The following PCDH15 variants were observed in gnomAD, a reference collection of about 807,000 sequenced individuals.
The protein encoded by PCDH15 is protocadherin related 15, also known as protocadherin-15.
Under a neutral mutation model 178.5 loss-of-function variants are expected in PCDH15, and 129 were observed. That is an observed-to-expected ratio of 0.72 (90% CI 0.63 to 0.84). PCDH15 has a LOEUF of 0.84. Among genes scored for constraint, PCDH15 ranks in the 40% least tolerant of loss-of-function variants. The pLI, the probability that PCDH15 is intolerant of heterozygous loss-of-function variation, is 0.00. For synonymous variants in PCDH15, 800 were observed against 732.0 expected (o/e 1.09, Z -1.50); for missense variants, 2,230 against 2,099.9 (o/e 1.06, Z -1.21).
chr10:55,413,601 T>G (rs1838400561), intron 2 of PCDH15, among the ~76,000 whole-genome samples: 1 of 151,634 alleles, frequency 6.6e-6, no homozygotes, highest in Non-Finnish European at 1.5e-5. Context: ...CAAAAGAGAC[T>G]CAGTTATTCA....
chr10:54,272,005 A>G (rs1030005681), intron 8 of PCDH15, among the ~76,000 whole-genome samples: 3 of 145,732 alleles, frequency 2.1e-5, no homozygotes, highest in African/African-American at 7.4e-5. Context: ...TGATATATAT[A>G]TATCATATAT....
chr10:55,129,182 A>G (rs1483628941), intron 2 of PCDH15, among the ~76,000 whole-genome samples: 1 of 152,128 alleles, frequency 6.6e-6, no homozygotes, highest in African/African-American at 2.4e-5. Flanking sequence ...AGTATTTGCT[A>G]TACAAAAGTC....
At chr10:55,623,439 G>A (rs1837449929) in intron 2 of PCDH15, among the ~76,000 whole-genome samples, 1 of 152,024 alleles carries the variant, frequency 6.6e-6, no homozygotes, top group Non-Finnish European at 1.5e-5. Flanking sequence ...TCCTGTTAAG[G>A]AATCCATTAA....
At chr10:54,488,024 C>T (rs2079251373) in intron 3 of PCDH15, among the ~76,000 whole-genome samples, 1 of 151,628 alleles carries the variant, frequency 6.6e-6, no homozygotes, top group Admixed American at 6.6e-5. Flanking sequence ...AAACTGTATC[C>T]TTTTTCCTTG....
intron 3 of PCDH15, among the ~76,000 whole-genome samples, chr10:54,828,598 G>A (rs1409119705): frequency 1.3e-5 from 2 of 151,934 alleles, no homozygotes; most frequent in African/African-American, 2.4e-5. Flanking sequence ...TGTTTAAACA[G>A]AGCTTTTATT....
intron 25 of PCDH15, among the ~76,000 whole-genome samples, chr10:53,906,257 C>CTA (rs1554853442): frequency 2.7e-5 from 4 of 150,420 alleles, no homozygotes; most frequent in African/African-American, 9.8e-5. Flanking sequence ...ACTAGTCTTC[C>CTA]TTTTTTTTTG....
intron 8 of PCDH15, among the ~76,000 whole-genome samples, chr10:54,265,777 A>G (rs1430997177): frequency 1.3e-5 from 2 of 152,068 alleles, no homozygotes; most frequent in African/African-American, 4.8e-5. Flanking sequence ...ATTCATAAAG[A>G]AATCACTACT....
intron 2 of PCDH15, chr10:54,608,084 G>T: frequency 2.5e-6 from 1 of 407,224 alleles, no homozygotes. Flanking sequence ...TACAGTAAAA[G>T]TGATAGAGCC....
At chr10:53,808,868 C>T (rs774200003) in intron 37 of PCDH15, 1 of 1,605,648 alleles carries the variant, frequency 6.2e-7, no homozygotes, top group East Asian at 2.2e-5. Context: ...CCTCCTTCCA[C>T]CGAAGCTGAT....
chr10:55,091,764 T>C (rs760093489), intron 2 of PCDH15, among the ~76,000 whole-genome samples: 11 of 152,066 alleles, frequency 7.2e-5, no homozygotes, highest in Admixed American at 3.9e-4. Flanking sequence ...CAAAATGTAA[T>C]TCTTAAAATT....
At chr10:55,252,911 A>C (rs916328383) in intron 1 of PCDH15, among the ~76,000 whole-genome samples, 1 of 152,202 alleles carries the variant, frequency 6.6e-6, no homozygotes, top group African/African-American at 2.4e-5. Context: ...TCATCAATAA[A>C]TATGTAATTT....
chr10:54,332,068 G>A (rs112494816), intron 6 of PCDH15, among the ~76,000 whole-genome samples: 48 of 150,624 alleles, frequency 3.2e-4, no homozygotes, highest in African/African-American at 1.1e-3. Context: ...CGGAGAAATA[G>A]CTAACATGCT....
chr10:54,323,873 T>A (rs1190670735), intron 7 of PCDH15, among the ~76,000 whole-genome samples: 2 of 152,078 alleles, frequency 1.3e-5, no homozygotes, highest in Non-Finnish European at 2.9e-5. Context: ...CCAGAGGAAG[T>A]TGGGTATTCT....
Position 54,857,622 on chromosome 10 carries a change from C to CTTT in PCDH15, c.-29+39825_-29+39827dup, listed in dbSNP as rs527831721. ...CGCCATGCCTGGCTAATTTTTTTTTCTTTTTTTTTTTTTAGAGATAGGGTC... is the reference window on the plus strand; with the variant it reads ...CGCCATGCCTGGCTAATTTTTTTTTCTTTTTTTTTTTTTTTTAGAGATAGGGTC... On this transcript the variant is annotated intron_variant, in intron 3 of 5. Coordinates refer to the PCDH15 transcript ENST00000458638. Among the ~76,000 whole-genome samples, 171 of 142,262 alleles carry CTTT rather than the reference C, an allele frequency of 1.2e-3. 1 individual carries two copies. Among genetic ancestry groups the CTTT allele is most frequent in the African/African-American group, 4.1e-3 (158 of 38,910 alleles). 93.3% of individuals were successfully genotyped at this position (142,262 alleles called of 152,430 possible).
intron 25 of PCDH15, among the ~76,000 whole-genome samples, chr10:53,907,397 G>A (rs148830115): frequency 0.017 from 2,514 of 152,260 alleles, 40 homozygotes; most frequent in Middle Eastern, 0.034. Flanking sequence ...AACAACGTGC[G>A]TGCCTAATAT....
intron 3 of PCDH15, among the ~76,000 whole-genome samples, chr10:54,505,524 T>C (rs1565447964): frequency 6.6e-6 from 1 of 152,244 alleles, no homozygotes; most frequent in East Asian, 1.9e-4. Context: ...ATGTAATGAA[T>C]TCTCAGCAAA....
chr10:54,653,690 G>C (rs2094313241), intron 2 of PCDH15, among the ~76,000 whole-genome samples: 1 of 152,100 alleles, frequency 6.6e-6, no homozygotes, highest in Non-Finnish European at 1.5e-5. Flanking sequence ...GCTGCAAACG[G>C]ATACACATCT....
intron 2 of PCDH15, among the ~76,000 whole-genome samples, chr10:55,368,055 A>T (rs944566728): frequency 3.9e-5 from 6 of 152,118 alleles, no homozygotes; most frequent in Non-Finnish European, 8.8e-5. Context: ...ATCAATTATG[A>T]CTTATAATAG....
intron 2 of PCDH15, among the ~76,000 whole-genome samples, chr10:55,533,355 T>G (rs1462680035): frequency 1.3e-5 from 2 of 152,084 alleles, no homozygotes; most frequent in Non-Finnish European, 2.9e-5. Flanking sequence ...AAGGTCTTAC[T>G]AGAACTAATA....
Sources: allele counts gnomAD v4.1 joint callset (sites outside exome capture counted in the v4.1 genomes callset), GRCh38; gene constraint gnomAD v4.1.1; transcripts MANE v1.5; gene names NCBI Gene and HGNC (gene_info 2026-07-23, HGNC 2026-07-21).